Variants in FRAS1 observed in about 807,000 individuals in gnomAD.
FRAS1 encodes the protein Fraser extracellular matrix complex subunit 1.
FRAS1 carries 290 observed loss-of-function variants against 435.2 expected under a neutral mutation model. That is an observed-to-expected ratio of 0.67 (90% CI 0.61 to 0.73). The LOEUF is 0.73. Ranked by LOEUF, FRAS1 falls within the 30% of genes least tolerant of loss-of-function variation. FRAS1 has a pLI of 0.00. For synonymous variants in FRAS1, 1,800 were observed against 1,851.0 expected, an observed-to-expected ratio of 0.97 and a Z score of 0.71; for missense variants, 4,860 against 5,001.5, an observed-to-expected ratio of 0.97 and a Z score of 0.85.
chr4:78,273,510 A>T (rs942988463), intron 9 of FRAS1, among the ~76,000 whole-genome samples: 1 of 152,136 alleles, frequency 6.6e-6, no homozygotes, highest in Non-Finnish European at 1.5e-5. Flanking sequence ...TTTATTGAGA[A>T]TTTTTAGCAT....
rs564389867 is a variant in FRAS1, at chr4:78,511,373, A to T, written c.9880A>T (p.Ile3294Phe). The change falls in exon 64 of 74, where the codon ATT becomes TTT. Residue 3294 changes from isoleucine (I) to phenylalanine (F), a missense_variant. By Grantham distance (21) the Ile-to-Phe change is conservative (BLOSUM62 0). Transcript: ENST00000512123. ...GHVGTPLRSNIVTIGTDSAIC... is the reference protein window; with the variant it reads ...GHVGTPLRSNFVTIGTDSAIC... ...TGTGGGGACCCCCTTAAGGAGCAAC[A>T]TTGTTACCATTGGAACAGACAGTGC... The T allele has an allele frequency of 6.2e-7, 1 of 1,613,954 alleles. No homozygotes were observed. The highest frequency in any genetic ancestry group is 2.2e-5 in the East Asian group (1 of 44,872).
chr4:78,192,720 C>T lies in FRAS1; in HGVS notation c.109-44790C>T, dbSNP rs569364500. Among the ~76,000 whole-genome samples, 70 of 152,234 alleles carry T rather than the reference C, an allele frequency of 4.6e-4. 1 individual carries two copies. Among genetic ancestry groups the T allele is most frequent in the Middle Eastern group, 6.8e-3 (2 of 294 alleles). On this transcript the variant is annotated intron_variant, in intron 2 of 73. Coordinates refer to ENST00000512123, the MANE Select transcript of FRAS1 (RefSeq NM_025074.7). Reference sequence around the variant, plus strand: ...CAGTTTTGTTGATCTTTTCAAAAAACCAGCTCCTGGATTCATTGATTTTTT... The same window carrying T: ...CAGTTTTGTTGATCTTTTCAAAAAATCAGCTCCTGGATTCATTGATTTTTT...
At chr4:78,058,578 C>T (rs1245094818) in intron 1 of FRAS1, among the ~76,000 whole-genome samples, 1 of 152,206 alleles carries the variant, frequency 6.6e-6, no homozygotes, top group Non-Finnish European at 1.5e-5. Context: ...GATTTTATAA[C>T]TAACTGGTTG....
chr4:78,367,565 A>G (rs1246426249), intron 22 of FRAS1, among the ~76,000 whole-genome samples: 1 of 152,176 alleles, frequency 6.6e-6, no homozygotes, highest in Non-Finnish European at 1.5e-5. Flanking sequence ...AGAAAAGAGG[A>G]CCAGCTGACC....
At chr4:78,279,504 A>G (rs183974507) in intron 10 of FRAS1, among the ~76,000 whole-genome samples, 2,140 of 151,422 alleles carry the variant, frequency 0.014, 57 homozygotes, top group African/African-American at 0.049. Flanking sequence ...GCAAAGGGCA[A>G]TGGTGGCTTG....
rs112511110 is a variant in FRAS1 at position 78,239,826 on chromosome 4, A to G, written c.216+2209A>G. 2.6e-3 allele frequency among the ~76,000 whole-genome samples: 391 copies of G among 152,276 alleles called. 2 individuals carry two copies. The highest frequency in any genetic ancestry group is 8.9e-3 in the African/African-American group (369 of 41,572). ...TGTGTTTATATACATATATGTATAC[A>G]TATATTACTTGATCTTTTACTTCAA... On this transcript the variant is annotated intron_variant, in intron 3 of 73. Transcript: ENST00000512123.
At chr4:78,367,447 A>G (rs1296646508) in intron 22 of FRAS1, among the ~76,000 whole-genome samples, 1 of 151,220 alleles carries the variant, frequency 6.6e-6, no homozygotes, top group Non-Finnish European at 1.5e-5. Context: ...ACACAGCGGC[A>G]GGTGGAAGTA....
intron 13 of FRAS1, chr4:78,286,154 T>C (rs573244924): frequency 3.5e-5 from 21 of 599,524 alleles, no homozygotes; most frequent in South Asian, 3.2e-4. Flanking sequence ...ATCTGTAAAG[T>C]TGGGATTAAT....
At chr4:78,220,430 C>A (rs762993528) in intron 2 of FRAS1, among the ~76,000 whole-genome samples, 1 of 152,136 alleles carries the variant, frequency 6.6e-6, no homozygotes, top group Non-Finnish European at 1.5e-5. Flanking sequence ...TTCTCTACAA[C>A]GTTGACAAAG....
chr4:78,150,907 C>A (rs1223640588), intron 2 of FRAS1, among the ~76,000 whole-genome samples: 2 of 152,160 alleles, frequency 1.3e-5, no homozygotes, highest in African/African-American at 2.4e-5. Context: ...TTGGGGACAC[C>A]CTCTGCTTAC....
chr4:78,062,338 G>T (rs1412602932), intron 1 of FRAS1, among the ~76,000 whole-genome samples: 1 of 152,156 alleles, frequency 6.6e-6, no homozygotes, highest in Non-Finnish European at 1.5e-5. Context: ...TGTCCTGTCA[G>T]TTCAGAAAAT....
chr4:78,264,930 G>A, intron 6 of FRAS1, 95 bp from the exon 7 acceptor site: 1 of 742,558 alleles, frequency 1.3e-6, no homozygotes, highest in Non-Finnish European at 2.4e-6. Flanking sequence ...GATGCTTGGG[G>A]GCATGATTTA....
At chr4:78,252,810 G>A (rs1156621935) in intron 5 of FRAS1, among the ~76,000 whole-genome samples, 7 of 152,130 alleles carry the variant, frequency 4.6e-5, no homozygotes, top group Admixed American at 2.6e-4. Flanking sequence ...AGGAGAGGGG[G>A]TGTACGAACA....
At chr4:78,490,470 T>C (rs1281985068) in intron 59 of FRAS1, among the ~76,000 whole-genome samples, 1 of 152,140 alleles carries the variant, frequency 6.6e-6, no homozygotes, top group Non-Finnish European at 1.5e-5. Context: ...CAGACCACAG[T>C]GCAACAAATT....
At chr4:78,338,112 T>G (rs911903927) in intron 20 of FRAS1, 11 of 265,416 alleles carry the variant, frequency 4.1e-5, no homozygotes, top group Admixed American at 2.9e-4. Context: ...CTTCTTAAGA[T>G]AGCAAAAAGT....
At position 78,411,054 on chromosome 4, in the gene FRAS1, CCTTTTTT is replaced by C. The variant is rs143931596; in HGVS notation, c.4309-1907_4309-1901del. Among the ~76,000 whole-genome samples the C allele has an allele frequency of 4.3e-3, 653 of 151,952 alleles. 5 individuals are homozygous for C. In the East Asian group the frequency reaches 0.044, roughly 10 times the overall value. ...CAAATCCTTTTCTAATAATTCTTTT[CCTTTTTT>C]CTTTTTTTTCTTTAAAGCAGGAAAT... is the stretch of plus-strand genomic sequence containing the variant. On this transcript the variant is annotated intron_variant, in intron 31 of 73. Transcript: ENST00000512123.
chr4:78,396,171 A>T (rs946405568), intron 29 of FRAS1, among the ~76,000 whole-genome samples: 1 of 152,126 alleles, frequency 6.6e-6, no homozygotes, highest in Non-Finnish European at 1.5e-5. Context: ...ATCACAATTT[A>T]TATCTTTTTA....
chr4:78,435,803 A>C (rs1245235769), intron 38 of FRAS1, among the ~76,000 whole-genome samples: 16 of 152,170 alleles, frequency 1.1e-4, no homozygotes, highest in Non-Finnish European at 4.4e-5. Context: ...AACTCTTTAA[A>C]ACATGGTTCT....
chr4:78,156,813 T>G (rs1191153865), intron 2 of FRAS1, among the ~76,000 whole-genome samples: 1 of 152,154 alleles, frequency 6.6e-6, no homozygotes, highest in Non-Finnish European at 1.5e-5. Context: ...AATACCTCTG[T>G]GGTGACTCTC....
Sources: gnomAD v4.1 joint callset for allele counts (sites outside exome capture counted in the v4.1 genomes callset) on GRCh38, gnomAD v4.1.1 for gene constraint, MANE v1.5 for transcripts, NCBI Gene and HGNC (gene_info 2026-07-23, HGNC 2026-07-21) for gene names.